The following DOCK4 variants were observed in gnomAD, a reference collection of about 807,000 sequenced individuals.
The protein encoded by DOCK4 is dedicator of cytokinesis protein 4.
DOCK4 carries 97 observed loss-of-function variants against 268.1 expected under a neutral mutation model. The observed-to-expected ratio is 0.36, with a 90% CI of 0.31 to 0.43. The LOEUF (loss-of-function observed/expected upper bound fraction) is 0.43. Among genes scored for constraint, DOCK4 ranks in the 20% least tolerant of loss-of-function variants. DOCK4 has a pLI of 1.00. For synonymous variants in DOCK4, 954 were observed against 887.2 expected (o/e 1.08, Z -1.34); for missense variants, 2,145 against 2,455.7 (o/e 0.87, Z 2.67).
intron 43 of DOCK4, among the ~76,000 whole-genome samples, chr7:111,746,862 C>T (rs1796312177): frequency 8.0e-6 from 1 of 124,462 alleles, no homozygotes. Flanking sequence ...TAAGATCTTC[C>T]TATGTTGCTC....
chr7:111,762,545 G>A (rs1219410332), intron 39 of DOCK4, among the ~76,000 whole-genome samples: 1 of 151,856 alleles, frequency 6.6e-6, no homozygotes, highest in Non-Finnish European at 1.5e-5. Context: ...TTTTATTGCT[G>A]AGTATCATTG....
chr7:112,026,492 C>G (rs1415385359), intron 1 of DOCK4, among the ~76,000 whole-genome samples: 2 of 152,134 alleles, frequency 1.3e-5, no homozygotes, highest in Non-Finnish European at 2.9e-5. Context: ...AAAAGAGGGC[C>G]AACAAATAAC....
chr7:112,039,406 T>C (rs1804157795), intron 1 of DOCK4, among the ~76,000 whole-genome samples: 1 of 151,906 alleles, frequency 6.6e-6, no homozygotes, highest in Non-Finnish European at 1.5e-5. Flanking sequence ...AGAAATCTAG[T>C]TATAAACTGT....
intron 1 of DOCK4, among the ~76,000 whole-genome samples, chr7:112,171,945 G>A (rs1818120884): frequency 6.6e-6 from 1 of 152,126 alleles, no homozygotes; most frequent in Non-Finnish European, 1.5e-5. Flanking sequence ...GTCCTCACAT[G>A]GTCCTCCCTC....
intron 13 of DOCK4, among the ~76,000 whole-genome samples, chr7:111,906,546 C>G (rs1791586158): frequency 6.6e-6 from 1 of 152,112 alleles, no homozygotes; most frequent in South Asian, 2.1e-4. Context: ...GGTGGCCCCT[C>G]ATGTGTGTGA....
chr7:112,025,808 G>A (rs1032464861), intron 1 of DOCK4, among the ~76,000 whole-genome samples: 1 of 152,142 alleles, frequency 6.6e-6, no homozygotes, highest in Non-Finnish European at 1.5e-5. Context: ...GGTTGCTCAT[G>A]TGTTTCCTTC....
At chr7:111,958,264 T>C (rs1467529143) in intron 8 of DOCK4, among the ~76,000 whole-genome samples, 1 of 152,182 alleles carries the variant, frequency 6.6e-6, no homozygotes. Flanking sequence ...CAAAGTCTTA[T>C]CTTTGGAAAA....
chr7:111,939,289 G>T (rs976975638), intron 11 of DOCK4, among the ~76,000 whole-genome samples: 39 of 152,126 alleles, frequency 2.6e-4, no homozygotes, highest in African/African-American at 9.2e-4. Flanking sequence ...GCTGAGGCAG[G>T]TGGATCACAA....
chr7:112,085,977 T>C (rs1309180157), intron 1 of DOCK4, among the ~76,000 whole-genome samples: 1 of 152,088 alleles, frequency 6.6e-6, no homozygotes, highest in African/African-American at 2.4e-5. Context: ...GCTGGCTGTA[T>C]AGGATATTAA....
intron 30 of DOCK4, among the ~76,000 whole-genome samples, chr7:111,798,182 C>T (rs1401755123): frequency 6.6e-6 from 1 of 152,190 alleles, no homozygotes; most frequent in Non-Finnish European, 1.5e-5. Flanking sequence ...CCCTGTCCAG[C>T]CTGTGGCAGA....
intron 1 of DOCK4, among the ~76,000 whole-genome samples, chr7:112,053,950 G>C (rs908027201): frequency 6.6e-6 from 1 of 152,102 alleles, no homozygotes. Flanking sequence ...TGAGCTTCTC[G>C]AACTCCCACT....
intron 25 of DOCK4, chr7:111,840,714 G>T: frequency 1.0e-6 from 1 of 967,080 alleles, no homozygotes; most frequent in Non-Finnish European, 1.4e-6. Flanking sequence ...TGCTTACAGA[G>T]CACTGGAAGA....
At chr7:112,128,509 G>A (rs1189433131) in intron 1 of DOCK4, among the ~76,000 whole-genome samples, 1 of 152,240 alleles carries the variant, frequency 6.6e-6, no homozygotes, top group Non-Finnish European at 1.5e-5. Flanking sequence ...TGAGAAATCG[G>A]ATGGTTGCCG....
At chr7:112,050,512 C>T (rs915505977) in intron 1 of DOCK4, among the ~76,000 whole-genome samples, 2 of 152,100 alleles carry the variant, frequency 1.3e-5, no homozygotes, top group African/African-American at 4.8e-5. Context: ...TTCAATTAGT[C>T]TTCCACATTG....
intron 12 of DOCK4, among the ~76,000 whole-genome samples, chr7:111,927,792 C>T (rs1586398597): frequency 6.6e-6 from 1 of 152,086 alleles, no homozygotes; most frequent in Admixed American, 6.6e-5. Context: ...AACATGGTTC[C>T]TTGGCATACT....
intron 1 of DOCK4, among the ~76,000 whole-genome samples, chr7:112,097,008 G>T (rs1013603832): frequency 2.0e-5 from 3 of 152,144 alleles, no homozygotes; most frequent in Non-Finnish European, 4.4e-5. Flanking sequence ...TCAGATGGAG[G>T]ACCTTAAAGC....
chr7:112,086,924 C>T (rs1163918011), intron 1 of DOCK4, among the ~76,000 whole-genome samples: 1 of 151,998 alleles, frequency 6.6e-6, no homozygotes, highest in Non-Finnish European at 1.5e-5. Flanking sequence ...TACCAGCACC[C>T]CCACCACCCC....
chr7:111,930,634 G>C (rs142185864), intron 12 of DOCK4, among the ~76,000 whole-genome samples: 1 of 152,256 alleles, frequency 6.6e-6, no homozygotes, highest in Admixed American at 6.5e-5. Flanking sequence ...AGAAAACAGC[G>C]GAAGTCAACA....
At chr7:112,008,276 T>C (rs76425972) in intron 1 of DOCK4, among the ~76,000 whole-genome samples, 4,410 of 152,282 alleles carry the variant, frequency 0.029, 289 homozygotes, top group East Asian at 0.26. Flanking sequence ...AAAATTTACT[T>C]GGATTAATAA....
Sources: gnomAD v4.1 joint callset for allele counts (sites outside exome capture counted in the v4.1 genomes callset) on GRCh38, gnomAD v4.1.1 for gene constraint, MANE v1.5 for transcripts, NCBI Gene and HGNC (gene_info 2026-07-23, HGNC 2026-07-21) for gene names.